The following ANKRD55 variants were observed in gnomAD, a reference collection of about 807,000 sequenced individuals.
ANKRD55 encodes the protein ankyrin repeat domain-containing protein 55.
In ANKRD55, 41 loss-of-function variants were observed where a neutral mutation model predicts 60.6. The observed-to-expected ratio is 0.68, with a 90% CI of 0.53 to 0.88. The LOEUF is 0.88. Ranked by LOEUF, ANKRD55 falls within the 40% of genes least tolerant of loss-of-function variation. The pLI is 0.00. For synonymous variants in ANKRD55, 264 were observed against 290.3 expected (o/e 0.91, Z 0.92); for missense variants, 732 against 767.6 (o/e 0.95, Z 0.55).
chr5:56,186,404 T>C (rs1758975382), intron 2 of ANKRD55, among the ~76,000 whole-genome samples: 1 of 152,310 alleles, frequency 6.6e-6, no homozygotes, highest in Middle Eastern at 3.4e-3. Context: ...TCCTCCCATG[T>C]TGGCTTCCCA....
chr5:56,121,607 G>A (rs865880817), intron 8 of ANKRD55, among the ~76,000 whole-genome samples: 12 of 151,936 alleles, frequency 7.9e-5, no homozygotes, highest in East Asian at 3.9e-4. Flanking sequence ...TCCTGACCTC[G>A]TGATCCACCC....
chr5:56,189,068 G>A (rs553101783), intron 2 of ANKRD55, among the ~76,000 whole-genome samples: 5 of 152,096 alleles, frequency 3.3e-5, no homozygotes, highest in African/African-American at 1.2e-4. Context: ...AGTGACTGGA[G>A]GTATGAATGG....
At chr5:56,173,290 T>G (rs1314383845) in intron 4 of ANKRD55, among the ~76,000 whole-genome samples, 1 of 152,054 alleles carries the variant, frequency 6.6e-6, no homozygotes, top group Non-Finnish European at 1.5e-5. Context: ...CTCCACCTCC[T>G]GGGTTCAAGT....
intron 2 of ANKRD55, among the ~76,000 whole-genome samples, chr5:56,185,700 G>GT (rs1302362008): frequency 6.6e-6 from 1 of 151,922 alleles, no homozygotes; most frequent in Non-Finnish European, 1.5e-5. Context: ...AGAGAAAAAG[G>GT]TTTTTTTAAG....
At chr5:56,164,508 T>G (rs1758404221) in intron 5 of ANKRD55, among the ~76,000 whole-genome samples, 1 of 151,954 alleles carries the variant, frequency 6.6e-6, no homozygotes. Context: ...AGAGGCAGAG[T>G]GGCTGGCACT....
rs576334069 is a variant in ANKRD55, at chr5:56,120,674, C to T, written c.798-3892G>A. 2.3e-4 allele frequency among the ~76,000 whole-genome samples: 35 copies of T among 152,092 alleles called. No individual in the cohort carries two copies. In the South Asian group the frequency reaches 3.9e-3, roughly 17 times the overall value. On this transcript the variant is annotated intron_variant, in intron 8 of 11. Coordinates refer to ENST00000341048, the MANE Select transcript of ANKRD55 (RefSeq NM_024669.3). Reference sequence around the variant, plus strand: ...CACCACTTTGGGAGGCCAAGGCAGGCGGATCACGAGGTCAGGAGATCGAGA... The same window carrying T: ...CACCACTTTGGGAGGCCAAGGCAGGTGGATCACGAGGTCAGGAGATCGAGA...
intron 7 of ANKRD55, among the ~76,000 whole-genome samples, chr5:56,140,201 T>C (rs1290015546): frequency 1.3e-5 from 2 of 152,154 alleles, no homozygotes; most frequent in Admixed American, 6.6e-5. Context: ...AACTCTAAAA[T>C]GAGCACAATG....
At chr5:56,181,984 AT>A (rs895454255) in intron 3 of ANKRD55, among the ~76,000 whole-genome samples, 6 of 150,218 alleles carry the variant, frequency 4.0e-5, no homozygotes, top group Admixed American at 6.6e-5. Context: ...CTATAGGCTT[AT>A]TTTTTTTTTA....
chr5:56,144,596 CA>C lies in ANKRD55; in HGVS notation c.484-668del, dbSNP rs200459101. On this transcript the variant is annotated intron_variant, in intron 6 of 11. Transcript: ENST00000341048. ...GTGGGATGGGGGATAACTGTCTCTG[CA>C]TAACACATTTGGAATTTATTCTAAT... Among the ~76,000 whole-genome samples the C allele has an allele frequency of 6.3e-4, 96 of 152,264 alleles. No homozygotes were observed. The East Asian group carries it at 0.013, about 21-fold the overall frequency.
At chr5:56,171,933 A>G (rs1055176314) in intron 4 of ANKRD55, among the ~76,000 whole-genome samples, 1 of 152,070 alleles carries the variant, frequency 6.6e-6, no homozygotes, top group African/African-American at 2.4e-5. Flanking sequence ...CCTGGCTAAC[A>G]AGGTTGAAAC....
rs558079001 is a variant in ANKRD55, at chr5:56,127,396, T to A, written c.613-290A>T. ...GGATTGAAATTAAATACAGGTGCAA[T>A]GGACTGACGTCAGAGCTAGAGTGAT... On this transcript the variant is annotated intron_variant, in intron 7 of 11. Coordinates refer to ENST00000341048, the MANE Select transcript of ANKRD55 (RefSeq NM_024669.3). 25 of 552,622 alleles carry A rather than the reference T, an allele frequency of 4.5e-5. No individual in the cohort carries two copies. The East Asian group carries it at 3.7e-3, about 83-fold the overall frequency. The allele number at this position is 552,622 out of a possible 1,614,324, so 34.2% of individuals were successfully genotyped here.
At chr5:56,150,540 G>A (rs550572859) in intron 6 of ANKRD55, among the ~76,000 whole-genome samples, 1 of 152,188 alleles carries the variant, frequency 6.6e-6, no homozygotes, top group East Asian at 1.9e-4. Flanking sequence ...GGAGGCAGAG[G>A]TTGCAGTGAA....
intron 2 of ANKRD55, among the ~76,000 whole-genome samples, chr5:56,226,912 T>C (rs988881242): frequency 6.6e-6 from 1 of 152,182 alleles, no homozygotes; most frequent in Non-Finnish European, 1.5e-5. Context: ...AGTTCAACCA[T>C]TGTGGAAGAC....
At chr5:56,133,236 C>T (rs887355779) in intron 7 of ANKRD55, among the ~76,000 whole-genome samples, 1 of 151,836 alleles carries the variant, frequency 6.6e-6, no homozygotes, top group African/African-American at 2.4e-5. Context: ...GTCGGGAGTT[C>T]GAGACCAGCC....
chr5:56,188,081 G>A (rs1322849680), intron 2 of ANKRD55, among the ~76,000 whole-genome samples: 1 of 152,128 alleles, frequency 6.6e-6, no homozygotes, highest in African/African-American at 2.4e-5. Flanking sequence ...TGATTCAGTG[G>A]AATTGGCTAT....
intron 4 of ANKRD55, among the ~76,000 whole-genome samples, chr5:56,172,920 G>A (rs1758641652): frequency 6.6e-6 from 1 of 152,128 alleles, no homozygotes; most frequent in Non-Finnish European, 1.5e-5. Flanking sequence ...CTCCCAAAAT[G>A]CAATTAGCTG....
chr5:56,158,566 G>A (rs892434377), intron 6 of ANKRD55, among the ~76,000 whole-genome samples: 6 of 152,134 alleles, frequency 3.9e-5, no homozygotes, highest in Non-Finnish European at 8.8e-5. Flanking sequence ...AGTGTTGAAC[G>A]ACCTTTTTGG....
At chr5:56,106,224 C>T (rs966226248) in intron 10 of ANKRD55, among the ~76,000 whole-genome samples, 1 of 152,096 alleles carries the variant, frequency 6.6e-6, no homozygotes, top group Non-Finnish European at 1.5e-5. Context: ...AAGGGACAAT[C>T]CAAGTTCAAG....
In ANKRD55 at chr5:56,183,621, C is replaced by A. The variant is rs1411018488; in HGVS notation, c.72G>T (p.Glu24Asp). 1 of 1,614,142 alleles carries A rather than the reference C, an allele frequency of 6.2e-7. No homozygotes were observed. The highest frequency in any genetic ancestry group is 8.5e-7 in the Non-Finnish European group (1 of 1,180,004). Residue 24 changes from glutamate (E) to aspartate (D), a missense_variant, in exon 3 of 12, where the codon GAG (glutamate) becomes GAT (aspartate). Glu to Asp is a conservative substitution (Grantham distance 45). Around this residue, in one of 3 missense-constraint regions of ANKRD55, gnomAD observed 131 missense variants for 142.7 expected, o/e 0.92. Transcript: ENST00000341048. ...VFDQQRGDSS[E>D]EVDLTMVYQA... Reference sequence around the variant, plus strand: ...GATAAACCATGGTCAGGTCAACTTCCTCAGATGAGTCACCTTCATGCATAA... The same window carrying A: ...GATAAACCATGGTCAGGTCAACTTCATCAGATGAGTCACCTTCATGCATAA...
Sources: gnomAD v4.1 joint callset for allele counts (sites outside exome capture counted in the v4.1 genomes callset) on GRCh38, gnomAD v4.1.1 for gene constraint, gnomAD v4.1.1 regional missense constraint, MANE v1.5 for transcripts, NCBI Gene and HGNC (gene_info 2026-07-23, HGNC 2026-07-21) for gene names.